Variants in USP28 observed in about 807,000 individuals in gnomAD.
USP28 encodes the protein ubiquitin specific peptidase 28, also known as ubiquitin carboxyl-terminal hydrolase 28.
A neutral mutation model predicts 145.0 loss-of-function variants in USP28; 113 were observed. The observed-to-expected ratio is 0.78, with a 90% CI of 0.67 to 0.91. The LOEUF (loss-of-function observed/expected upper bound fraction) is 0.91. USP28 is among the 40% of genes least tolerant of loss of function. The pLI is 0.00. For missense variants in USP28, 1,201 were observed against 1,289.6 expected, an observed-to-expected ratio of 0.93 and a Z score of 1.05; for synonymous variants, 447 against 450.9, an observed-to-expected ratio of 0.99 and a Z score of 0.11.
At chr11:113,803,431 C>CA (rs1215666523) in intron 22 of USP28, 150 bp from the exon 24 acceptor site, 40 of 925,780 alleles carry the variant, frequency 4.3e-5, no homozygotes, top group Non-Finnish European at 6.1e-5. Context: ...ATCTCTTCTA[C>CA]AAATTGGCCT....
At chr11:113,829,789 C>T (rs987096819) in intron 9 of USP28, among the ~76,000 whole-genome samples, 6 of 144,246 alleles carry the variant, frequency 4.2e-5, no homozygotes, top group African/African-American at 7.7e-5. Context: ...GTTGCCACTG[C>T]GCTACAACCT....
At chr11:113,829,768 T>C (rs1470127672) in intron 9 of USP28, among the ~76,000 whole-genome samples, 1 of 141,680 alleles carries the variant, frequency 7.1e-6, no homozygotes, top group Non-Finnish European at 1.5e-5. Flanking sequence ...AAGGTTACAG[T>C]AAGCTATGAT....
intron 1 of USP28, among the ~76,000 whole-genome samples, chr11:113,854,569 G>A (rs1565478370): frequency 6.6e-6 from 1 of 152,084 alleles, no homozygotes; most frequent in African/African-American, 2.4e-5. Context: ...GCCCAGCTAA[G>A]TTTTGTATTT....
chr11:113,829,050 C>T lies in USP28; in HGVS notation c.1059+147G>A, dbSNP rs529269100. 1.3e-5 allele frequency: 14 copies of T among 1,037,100 alleles called. No individual in the cohort carries two copies. The Admixed American group carries it at 1.7e-4, about 12-fold the overall frequency. 64.2% of individuals were successfully genotyped at this position (1,037,100 alleles called of 1,614,324 possible). A position where few individuals can be genotyped will look rare whatever the true frequency, so the allele number is the denominator to read the frequency against. On this transcript the variant is annotated intron_variant, in intron 10 of 24. Transcript: ENST00000003302. Reference sequence around the variant, plus strand: ...CAAAGTACTGATACTCACTGACTCACATCAACTGATGAGAGACTTAAGACA... The same window carrying T: ...CAAAGTACTGATACTCACTGACTCATATCAACTGATGAGAGACTTAAGACA...
intron 1 of USP28, among the ~76,000 whole-genome samples, chr11:113,863,336 TG>T (rs1468076363): frequency 2.0e-5 from 3 of 152,198 alleles, no homozygotes; most frequent in Non-Finnish European, 4.4e-5. Context: ...GTAAAAAACC[TG>T]GGCCGGGCGC....
At chr11:113,817,905 A>C in intron 12 of USP28, 68 bp from the exon 13 acceptor site, 1 of 1,533,764 alleles carries the variant, frequency 6.5e-7, no homozygotes, top group Non-Finnish European at 8.9e-7. Context: ...CGCTGACAAA[A>C]GATCTGTTTA....
chr11:113,826,928 A>AG lies in USP28; in HGVS notation c.1187+304_1187+305insC, dbSNP rs1042623544. ...GAGCAAAACTCTGTCTCAAAAAAAA[A>AG]AAAAAACAAAAATTCTATAATGTAA... On this transcript the variant is annotated intron_variant, in intron 11 of 24. Transcript: ENST00000003302. 1.8e-4 allele frequency among the ~76,000 whole-genome samples: 28 copies of AG among 151,924 alleles called. 1 individual carries two copies. Among genetic ancestry groups the AG allele is most frequent in the Admixed American group, 1.8e-3 (27 of 15,250 alleles).
intron 21 of USP28, among the ~76,000 whole-genome samples, chr11:113,804,471 C>T (rs1939586479): frequency 6.6e-6 from 1 of 152,136 alleles, no homozygotes; most frequent in South Asian, 2.1e-4. Flanking sequence ...TGTTGACTCA[C>T]TCTAAATGAA....
At position 113,812,378 on chromosome 11, in the gene USP28, AT is replaced by A; in HGVS notation, c.1869del (p.Glu623AspfsTer15). 1.9e-6 allele frequency: 3 copies of A among 1,614,112 alleles called. No individual in the cohort carries two copies. Among genetic ancestry groups the A allele is most frequent in the Non-Finnish European group, 2.5e-6 (3 of 1,180,006 alleles). ...TCTCTTTCAACTTCTTCCCAGGAAG[AT>A]TCAGTAACAGAGATGTCATTGTACT... On this transcript the variant is annotated frameshift_variant, in exon 16 of 25. Coordinates refer to ENST00000003302, the Ensembl canonical transcript of USP28. LOFTEE classifies it high-confidence loss of function.
rs1941164031 is a variant in USP28 at position 113,812,512 on chromosome 11, T to C, written c.1744-8A>G. 1 of 1,611,062 alleles carries C rather than the reference T, an allele frequency of 6.2e-7. No individual in the cohort carries two copies. Among genetic ancestry groups the C allele is most frequent in the Non-Finnish European group, 8.5e-7 (1 of 1,179,164 alleles). ...ATGCAAGCGATAAGGCACCTGTAAG[T>C]CAGAATGTACATTCCCCAGTCAGGT... On this transcript the variant is annotated splice_polypyrimidine_tract_variant and splice_region_variant and intron_variant, in intron 15 of 24. Coordinates refer to ENST00000003302, the Ensembl canonical transcript of USP28.
intron 11 of USP28, among the ~76,000 whole-genome samples, chr11:113,826,658 A>G (rs1399608574): frequency 6.6e-6 from 1 of 151,860 alleles, no homozygotes. Flanking sequence ...GGTGGCTCAC[A>G]CCTGTAATAC....
intron 1 of USP28, among the ~76,000 whole-genome samples, chr11:113,868,044 T>A (rs986610811): frequency 1.3e-5 from 2 of 152,152 alleles, no homozygotes; most frequent in Non-Finnish European, 2.9e-5. Context: ...GTAGAAAGCC[T>A]AGACGCTGGA....
intron 24 of USP28, among the ~76,000 whole-genome samples, chr11:113,800,195 C>T (rs945453379): frequency 3.3e-5 from 5 of 152,020 alleles, no homozygotes; most frequent in Admixed American, 1.3e-4. Flanking sequence ...TTAGTAGAGA[C>T]GGGGTTTCAC....
chr11:113,868,199 T>C (rs777015500), intron 1 of USP28, among the ~76,000 whole-genome samples: 1 of 152,076 alleles, frequency 6.6e-6, no homozygotes, highest in Non-Finnish European at 1.5e-5. Context: ...GTACTGCAAA[T>C]AAATTGTTAG....
chr11:113,810,178 T>C (rs1013903378), intron 16 of USP28, among the ~76,000 whole-genome samples: 1 of 152,208 alleles, frequency 6.6e-6, no homozygotes, highest in African/African-American at 2.4e-5. Context: ...ACCACTGCAT[T>C]TGGCGGATAA....
chr11:113,860,808 G>C (rs1419335893), intron 1 of USP28, among the ~76,000 whole-genome samples: 1 of 143,718 alleles, frequency 7.0e-6, no homozygotes, highest in Non-Finnish European at 1.5e-5. Flanking sequence ...AACAGAGCAA[G>C]ACTGTGTCTC....
intron 14 of USP28, among the ~76,000 whole-genome samples, chr11:113,814,266 G>A (rs1313973111): frequency 6.6e-6 from 1 of 152,152 alleles, no homozygotes; most frequent in Non-Finnish European, 1.5e-5. Flanking sequence ...GACAGGATCT[G>A]AAATGAGAAA....
intron 1 of USP28, among the ~76,000 whole-genome samples, chr11:113,856,596 G>A (rs975080494): frequency 6.6e-6 from 1 of 152,170 alleles, no homozygotes. Flanking sequence ...CAAAGTTACT[G>A]CTGATAAGGG....
intron 14 of USP28, among the ~76,000 whole-genome samples, 195 bp from the exon 15 acceptor site, chr11:113,814,150 T>C (rs1012011779): frequency 6.6e-6 from 1 of 152,198 alleles, no homozygotes; most frequent in African/African-American, 2.4e-5. Flanking sequence ...TATAATTACA[T>C]TAAGGTTTTA....
Sources: allele counts gnomAD v4.1 joint callset (sites outside exome capture counted in the v4.1 genomes callset), GRCh38; gene constraint gnomAD v4.1.1; transcripts MANE v1.5; gene names NCBI Gene and HGNC (gene_info 2026-07-23, HGNC 2026-07-21).